The following NAALADL2 variants were observed in gnomAD, a reference collection of about 807,000 sequenced individuals.
The protein encoded by NAALADL2 is inactive N-acetylated-alpha-linked acidic dipeptidase-like protein 2.
In NAALADL2, 76 loss-of-function variants were observed where a neutral mutation model predicts 87.2. That is an observed-to-expected ratio of 0.87 (90% CI 0.72 to 1.05). NAALADL2 has a LOEUF of 1.05. Ranked by LOEUF, NAALADL2 falls within the 50% of genes least tolerant of loss-of-function variation. The pLI is 0.00. For synonymous variants in NAALADL2, 354 were observed against 331.0 expected (o/e 1.07, Z -0.75); for missense variants, 1,089 against 945.8 (o/e 1.15, Z -1.99).
chr3:174,969,718 T>C (rs1478573211), intron 1 of NAALADL2, among the ~76,000 whole-genome samples: 6 of 152,180 alleles, frequency 3.9e-5, no homozygotes, highest in Non-Finnish European at 8.8e-5. Context: ...CCCATTGAAA[T>C]CTTACCCTTG....
intron 5 of NAALADL2, among the ~76,000 whole-genome samples, chr3:175,427,927 C>T (rs747975255): frequency 1.3e-5 from 2 of 152,058 alleles, no homozygotes; most frequent in Non-Finnish European, 2.9e-5. Context: ...ACATATAATG[C>T]CTGTTTCTTT....
At chr3:174,489,672 C>CA (rs1718061723) in intron 1 of NAALADL2, among the ~76,000 whole-genome samples, 1 of 151,930 alleles carries the variant, frequency 6.6e-6, no homozygotes, top group Non-Finnish European at 1.5e-5. Context: ...TCAGAGTAGA[C>CA]ATTTCTCAGA....
At chr3:174,881,577 A>G (rs1729199455) in intron 1 of NAALADL2, among the ~76,000 whole-genome samples, 1 of 151,908 alleles carries the variant, frequency 6.6e-6, no homozygotes, top group Non-Finnish European at 1.5e-5. Context: ...TCAAGACTTT[A>G]TGTTTGTTGG....
At chr3:175,201,203 C>T (rs1461276) in intron 2 of NAALADL2, among the ~76,000 whole-genome samples, 56,463 of 152,002 alleles carry the variant, frequency 0.37, 11,663 homozygotes, top group East Asian at 0.53. Flanking sequence ...ACCCTTTCCC[C>T]AGGCAGATCA....
intron 9 of NAALADL2, among the ~76,000 whole-genome samples, chr3:175,575,528 G>A (rs1032072237): frequency 2.0e-5 from 3 of 151,918 alleles, no homozygotes; most frequent in South Asian, 2.1e-4. Flanking sequence ...CAGGTGACCC[G>A]CCTGCCTCAG....
intron 13 of NAALADL2, among the ~76,000 whole-genome samples, chr3:175,789,569 A>G (rs767327089): frequency 1.3e-5 from 2 of 152,168 alleles, no homozygotes; most frequent in Non-Finnish European, 2.9e-5. Flanking sequence ...TTGGATTAGC[A>G]TGCCTGCCAG....
chr3:174,614,769 C>T (rs1246841976), intron 2 of NAALADL2, among the ~76,000 whole-genome samples: 1 of 152,086 alleles, frequency 6.6e-6, no homozygotes, highest in Non-Finnish European at 1.5e-5. Context: ...TGAAGCCTTC[C>T]ATTTTGCCCC....
intron 6 of NAALADL2, among the ~76,000 whole-genome samples, chr3:175,451,049 A>AAG (rs1368475696): frequency 6.6e-6 from 1 of 152,042 alleles, no homozygotes; most frequent in Non-Finnish European, 1.5e-5. Context: ...AAGACGGAGA[A>AAG]AGAGAGAGAG....
rs1421903208 is a variant in NAALADL2, at chr3:174,831,421, C to T, written c.-9+93675C>T. Among the ~76,000 whole-genome samples, 78 of 139,740 alleles carry T rather than the reference C, an allele frequency of 5.6e-4. 2 individuals are homozygous for T. The highest frequency in any genetic ancestry group is 1.3e-3 in the African/African-American group (45 of 34,858). 91.7% of individuals were successfully genotyped at this position (139,740 alleles called of 152,430 possible). On this transcript the variant is annotated intron_variant, in intron 3 of 3. Transcript: ENST00000434257. ...ACGCTGGATTACATTTATTGATTTG[C>T]ATATATTGAACCAGCCTTGCATCCC...
intron 4 of NAALADL2, among the ~76,000 whole-genome samples, chr3:175,320,121 C>T (rs1451338446): frequency 6.6e-6 from 1 of 152,068 alleles, no homozygotes; most frequent in Non-Finnish European, 1.5e-5. Context: ...TTTATGTTCT[C>T]TAATTACTTT....
intron 6 of NAALADL2, among the ~76,000 whole-genome samples, chr3:175,452,503 A>G (rs1189539294): frequency 2.0e-5 from 3 of 152,202 alleles, no homozygotes. Flanking sequence ...ACATGGAGGA[A>G]AATATTCAAA....
intron 3 of NAALADL2, among the ~76,000 whole-genome samples, chr3:174,842,052 CTTT>C (rs10575010): frequency 2.3e-4 from 33 of 142,434 alleles, no homozygotes; most frequent in East Asian, 8.2e-4. Context: ...TACATTTAAA[CTTT>C]TTTTTTTTTT....
At chr3:175,398,468 T>C (rs1397909608) in intron 5 of NAALADL2, among the ~76,000 whole-genome samples, 1 of 151,726 alleles carries the variant, frequency 6.6e-6, no homozygotes, top group African/African-American at 2.4e-5. Flanking sequence ...ATGGTTCTCA[T>C]TGTATTGTTT....
chr3:175,062,477 T>A (rs1358989570), intron 1 of NAALADL2, among the ~76,000 whole-genome samples: 1 of 22,864 alleles, frequency 4.4e-5, no homozygotes. Context: ...GAAGTTTGGC[T>A]GTGTGTGTGT....
intron 4 of NAALADL2, among the ~76,000 whole-genome samples, chr3:175,301,799 A>T (rs746021117): frequency 6.6e-6 from 1 of 152,178 alleles, no homozygotes; most frequent in Non-Finnish European, 1.5e-5. Flanking sequence ...ATTGTGGATT[A>T]CTCAATAATT....
intron 3 of NAALADL2, among the ~76,000 whole-genome samples, chr3:174,828,467 C>T (rs1031974856): frequency 6.6e-6 from 1 of 152,178 alleles, no homozygotes; most frequent in African/African-American, 2.4e-5. Context: ...GATTCAGTTG[C>T]TGTATCATGG....
chr3:174,596,285 A>C (rs1467898006), intron 2 of NAALADL2, among the ~76,000 whole-genome samples: 1 of 152,072 alleles, frequency 6.6e-6, no homozygotes, highest in Non-Finnish European at 1.5e-5. Context: ...AAATTCCTTA[A>C]CTTACTGGGC....
chr3:174,468,573 G>A (rs1716682932), intron 1 of NAALADL2, among the ~76,000 whole-genome samples: 1 of 151,242 alleles, frequency 6.6e-6, no homozygotes, highest in Non-Finnish European at 1.5e-5. Context: ...TAGAGATGGG[G>A]TTTCACCATT....
chr3:174,865,646 C>T (rs1425005109), intron 1 of NAALADL2, among the ~76,000 whole-genome samples: 2 of 151,944 alleles, frequency 1.3e-5, no homozygotes, highest in Non-Finnish European at 2.9e-5. Flanking sequence ...GTAGACATTG[C>T]TTCCATTCTT....
Sources: allele counts gnomAD v4.1 joint callset (sites outside exome capture counted in the v4.1 genomes callset), GRCh38; gene constraint gnomAD v4.1.1; transcripts MANE v1.5; gene names NCBI Gene and HGNC (gene_info 2026-07-23, HGNC 2026-07-21).